Variants in ZMYND11 observed in about 807,000 individuals in gnomAD.
ZMYND11 encodes the protein zinc finger MYND-type containing 11.
A neutral mutation model predicts 84.9 loss-of-function variants in ZMYND11; 9 were observed. That is an observed-to-expected ratio of 0.11 (90% CI 0.06 to 0.18). The LOEUF is 0.18. ZMYND11 is among the 10% of genes least tolerant of loss of function. ZMYND11 has a pLI of 1.00. For synonymous variants in ZMYND11, 250 were observed against 244.1 expected, an observed-to-expected ratio of 1.02 and a Z score of -0.23; for missense variants, 409 against 761.0, an observed-to-expected ratio of 0.54 and a Z score of 5.44.
chr10:234,982 ATGTGTGTGTG>A (rs60483060), intron 4 of ZMYND11, among the ~76,000 whole-genome samples: 17 of 148,994 alleles, frequency 1.1e-4, no homozygotes, highest in Admixed American at 2.0e-4. Context: ...TATTTCGCAA[ATGTGTGTGTG>A]TGTGTGTGTG....
intron 2 of ZMYND11, among the ~76,000 whole-genome samples, chr10:204,937 A>G (rs1203159912): frequency 6.6e-6 from 1 of 151,756 alleles, no homozygotes; most frequent in Non-Finnish European, 1.5e-5. Flanking sequence ...TTATATCACT[A>G]TTTCTACAGG....
Position 239,491 on chromosome 10 carries a change from A to G in ZMYND11, c.663A>G (p.Gln221=), listed in dbSNP as rs768078919. 67 of 1,613,158 alleles carry G rather than the reference A, an allele frequency of 4.2e-5. 1 individual carries two copies. The highest frequency in any genetic ancestry group is 3.3e-4 in the South Asian group (30 of 90,950). ...ATGAAGAGTTCAAAGCTGATGCCCA[A>G]TTGCTTCTCCACAATACCGTGATTT... ...RSYEEFKADA[Q]LLLHNTVIFY... is the part of the protein sequence containing the mutation. The change falls in exon 7 of 15, where the codon CAA becomes CAG. Residue 221 remains glutamine, a synonymous_variant. Coordinates refer to ENST00000381604, the MANE Select transcript of ZMYND11 (RefSeq NM_001370100.5).
intron 3 of ZMYND11, among the ~76,000 whole-genome samples, chr10:219,412 T>A (rs139017483): frequency 0.014 from 2,158 of 152,350 alleles, 26 homozygotes; most frequent in Middle Eastern, 0.037. Context: ...TCCCTTAAGA[T>A]GTTTTTAAAA....
rs1387192028 is a variant in ZMYND11 at position 135,758 on chromosome 10, G to T, written c.-20+199G>T. On this transcript the variant is annotated intron_variant, in intron 1 of 14. Transcript: ENST00000381604. The surrounding 1 kb of genome is among the most constrained non-coding windows in gnomAD (Gnocchi z 5.6). ...GGATGGCGGGGCGGGCCGGGCCGGC[G>T]GGGCCTGCGAGGGCGGCGGCGGGGC... Among the ~76,000 whole-genome samples the T allele has an allele frequency of 6.8e-6, 1 of 147,526 alleles. No individual in the cohort carries two copies. Among genetic ancestry groups the T allele is most frequent in the Non-Finnish European group, 1.5e-5 (1 of 66,242 alleles).
At chr10:170,424 A>ATGTG (rs1206060810) in intron 1 of ZMYND11, among the ~76,000 whole-genome samples, 1 of 69,800 alleles carries the variant, frequency 1.4e-5, no homozygotes, top group Non-Finnish European at 2.8e-5. Context: ...GTATTTGATT[A>ATGTG]TGTGTGCGTG....
At chr10:161,891 T>C (rs1455599725) in intron 1 of ZMYND11, among the ~76,000 whole-genome samples, 2 of 152,248 alleles carry the variant, frequency 1.3e-5, no homozygotes, top group East Asian at 1.9e-4. Context: ...TGCTTTCTTA[T>C]TCATGTGTTC....
chr10:167,218 A>G (rs1161734088), intron 1 of ZMYND11, among the ~76,000 whole-genome samples: 1 of 152,164 alleles, frequency 6.6e-6, no homozygotes, highest in East Asian at 1.9e-4. Flanking sequence ...TGTGTACTCA[A>G]AAATGGGTAA....
chr10:223,117 C>T (rs1280677166), intron 4 of ZMYND11, among the ~76,000 whole-genome samples: 1 of 151,514 alleles, frequency 6.6e-6, no homozygotes, highest in East Asian at 1.9e-4. Flanking sequence ...GCAACCTCCA[C>T]TTCCTGGGTT....
chr10:159,263 A>G (rs1842472530), intron 1 of ZMYND11, among the ~76,000 whole-genome samples: 1 of 151,958 alleles, frequency 6.6e-6, no homozygotes, highest in Admixed American at 6.6e-5. Flanking sequence ...TTTGCCAGTG[A>G]GATTGGTGGG....
chr10:216,399 G>A (rs1006627205), intron 3 of ZMYND11, among the ~76,000 whole-genome samples: 43 of 152,076 alleles, frequency 2.8e-4, no homozygotes, highest in African/African-American at 9.7e-4. Context: ...TTAATCAATC[G>A]TATGTTTTAA....
In ZMYND11 at chr10:135,851, C is replaced by T. The variant is rs1389279307; in HGVS notation, c.-20+292C>T. The stretch of plus-strand genomic sequence containing the variant: ...GCGGAAGAGGCCCCGGGATGAGGCC[C>T]CGGAGGACCGCGCGGGGCCTGCTCG... On this transcript the variant is annotated intron_variant, in intron 1 of 14. Transcript: ENST00000381604. This position sits in a 1 kb window ranked among gnomAD's most constrained non-coding sequence, Gnocchi z 5.6. Among the ~76,000 whole-genome samples the T allele has an allele frequency of 2.0e-5, 3 of 150,790 alleles. No homozygotes were observed. In the East Asian group the frequency reaches 5.9e-4, roughly 29 times the overall value.
chr10:241,657 C>G (rs1950959522), intron 9 of ZMYND11, among the ~76,000 whole-genome samples: 1 of 152,210 alleles, frequency 6.6e-6, no homozygotes, highest in African/African-American at 2.4e-5. Flanking sequence ...TGAGAGAAGC[C>G]AGCCCTGTGA....
chr10:151,063 C>G (rs1361042231), intron 1 of ZMYND11, among the ~76,000 whole-genome samples: 3 of 152,212 alleles, frequency 2.0e-5, no homozygotes, highest in African/African-American at 7.2e-5. Flanking sequence ...AAAACCCCAT[C>G]TGTACGTCAC....
intron 4 of ZMYND11, among the ~76,000 whole-genome samples, chr10:222,652 T>G (rs17157644): frequency 0.24 from 36,174 of 151,772 alleles, 5,576 homozygotes; most frequent in East Asian, 0.48. Context: ...CAAATATACA[T>G]CTTCCATTTT....
At chr10:192,443 T>C (rs567068864) in intron 2 of ZMYND11, among the ~76,000 whole-genome samples, 1 of 152,210 alleles carries the variant, frequency 6.6e-6, no homozygotes, top group African/African-American at 2.4e-5. Flanking sequence ...CTCTTTGTAC[T>C]TTTTCCCCGT....
chr10:196,675 C>G (rs1941827976), intron 2 of ZMYND11, among the ~76,000 whole-genome samples: 1 of 151,870 alleles, frequency 6.6e-6, no homozygotes, highest in Admixed American at 6.6e-5. Flanking sequence ...TAGTTTGGGG[C>G]TAGTAAATGA....
At chr10:233,304 A>T (rs899793972) in intron 4 of ZMYND11, among the ~76,000 whole-genome samples, 12 of 152,176 alleles carry the variant, frequency 7.9e-5, no homozygotes, top group Non-Finnish European at 1.6e-4. Flanking sequence ...GGTGCAGCCA[A>T]GTCCCATCAA....
At chr10:225,362 G>GTGTTTGTT (rs10645167) in intron 4 of ZMYND11, among the ~76,000 whole-genome samples, 2 of 151,898 alleles carry the variant, frequency 1.3e-5, no homozygotes, top group Non-Finnish European at 2.9e-5. Context: ...TTTTTTATGT[G>GTGTTTGTT]TGTTTTTAGG....
intron 1 of ZMYND11, among the ~76,000 whole-genome samples, chr10:141,694 G>A (rs1433967425): frequency 6.6e-6 from 1 of 152,096 alleles, no homozygotes; most frequent in Non-Finnish European, 1.5e-5. Flanking sequence ...AACATATATT[G>A]TGTTCTCCAG....
Sources: allele counts gnomAD v4.1 joint callset (sites outside exome capture counted in the v4.1 genomes callset), GRCh38; gene constraint gnomAD v4.1.1; non-coding constraint Gnocchi (gnomAD v3.1); transcripts MANE v1.5; gene names NCBI Gene and HGNC (gene_info 2026-07-23, HGNC 2026-07-21).